Variants in WDFY3 observed in about 807,000 individuals in gnomAD.
WDFY3 encodes WD repeat and FYVE domain containing 3.
In WDFY3, 66 loss-of-function variants were observed where a neutral mutation model predicts 409.6. The ratio of observed to expected loss-of-function variants is 0.16; its 90% CI spans 0.13 to 0.20. WDFY3 has a LOEUF of 0.20. Ranked by LOEUF, WDFY3 falls within the 10% of genes least tolerant of loss-of-function variation. The pLI, the probability that WDFY3 is intolerant of heterozygous loss-of-function variation, is 1.00. For synonymous variants in WDFY3, 1,521 were observed against 1,537.1 expected (o/e 0.99, Z 0.25); for missense variants, 3,031 against 4,298.1 (o/e 0.71, Z 8.24).
intron 12 of WDFY3, among the ~76,000 whole-genome samples, chr4:84,818,707 G>T (rs1240089632): frequency 1.3e-5 from 2 of 151,980 alleles, no homozygotes; most frequent in South Asian, 2.1e-4. Context: ...AATCATAATG[G>T]CTAATATTAT....
At position 84,821,354 on chromosome 4, in the gene WDFY3, G is replaced by C. The variant is rs1754024104; in HGVS notation, c.1321C>G (p.Gln441Glu). Residue 441 changes from glutamine to glutamate, a missense_variant, in exon 11 of 68, where the codon CAA (glutamine) becomes GAA (glutamate). Around this residue, in one of 16 missense-constraint regions of WDFY3, gnomAD observed 1,322 missense variants for 1,697.9 expected, o/e 0.78. Coordinates refer to ENST00000295888, the MANE Select transcript of WDFY3 (RefSeq NM_014991.6). ...AEKISKLPEV[Q>E]NKYFEMLEFV... is the part of the protein sequence containing the mutation. The stretch of plus-strand genomic sequence containing the variant: ...TCCAGCATCTCAAAGTATTTGTTTT[G>C]TACTTCTGGGAGTTTAGAAATCTTC... The C allele has an allele frequency of 6.2e-7, 1 of 1,613,714 alleles. No homozygotes were observed. Among genetic ancestry groups the C allele is most frequent in the Non-Finnish European group, 8.5e-7 (1 of 1,179,872 alleles).
intron 2 of WDFY3, among the ~76,000 whole-genome samples, chr4:84,898,857 C>T (rs976049305): frequency 2.6e-5 from 4 of 152,180 alleles, no homozygotes; most frequent in Non-Finnish European, 5.9e-5. Flanking sequence ...TCCAAGGATA[C>T]TTGGCTACTA....
At position 84,797,998 on chromosome 4, in the gene WDFY3, C is replaced by T. The variant is rs759133724; in HGVS notation, c.2933G>A (p.Arg978Lys). 6.2e-7 allele frequency: 1 copy of T among 1,602,828 alleles called. No homozygotes were observed. The highest frequency in any genetic ancestry group is 8.5e-7 in the Non-Finnish European group (1 of 1,175,674). ...AAAAAGGGAATTTCAAAACTTACTT[C>T]TCATTTCTGGTTCATAACTCAGTGA... ...PSSLSYEPEM[R>K]SSMITSLEGL... Residue 978 changes from arginine to lysine, a missense_variant and splice_region_variant, in exon 18 of 68, where the codon AGA (arginine) becomes AAA (lysine). Physicochemically the swap from Arg to Lys is conservative, Grantham distance 26. Around this residue, in one of 16 missense-constraint regions of WDFY3, gnomAD observed 1,322 missense variants for 1,697.9 expected, o/e 0.78. Coordinates refer to ENST00000295888, the MANE Select transcript of WDFY3 (RefSeq NM_014991.6).
At chr4:84,780,075 G>T in intron 26 of WDFY3, 33 bp downstream of exon 26, 1 of 1,522,638 alleles carries the variant, frequency 6.6e-7, no homozygotes, top group South Asian at 1.3e-5. Flanking sequence ...TAGGTGCCAG[G>T]TGAAGTGAAG....
rs754928242 is a variant in WDFY3 at position 84,753,682 on chromosome 4, C to T, written c.5739+15G>A. On this transcript the variant is annotated intron_variant, in intron 35 of 67. Transcript: ENST00000295888. Reference sequence around the variant, plus strand: ...TTCTAATTCCAGTTCTGACATTTTCCTCCCCCTTTCCTACCATCTCTGAGT... The same window carrying T: ...TTCTAATTCCAGTTCTGACATTTTCTTCCCCCTTTCCTACCATCTCTGAGT... 6.5e-7 allele frequency: 1 copy of T among 1,535,412 alleles called. No homozygotes were observed. Among genetic ancestry groups the T allele is most frequent in the Non-Finnish European group, 8.7e-7 (1 of 1,143,390 alleles).
In WDFY3 at chr4:84,696,066, A is replaced by G; in HGVS notation, c.8805T>C (p.Phe2935=). The G allele has an allele frequency of 6.2e-7, 1 of 1,614,142 alleles. No homozygotes were observed. The highest frequency in any genetic ancestry group is 8.5e-7 in the Non-Finnish European group (1 of 1,180,024). Reference sequence around the variant, plus strand: ...TGTAGATATCCACTTGACCCTCATAAAAAAGATGATGGAAGACATTTACAG... The same window carrying G: ...TGTAGATATCCACTTGACCCTCATAGAAAAGATGATGGAAGACATTTACAG... The part of the protein sequence containing the change: ...VEAVNVFHHL[F]YEGQVDIYNI... The change falls in exon 58 of 68, where the codon TTT becomes TTC. Residue 2935 remains phenylalanine, a synonymous_variant. Transcript: ENST00000295888.
chr4:84,875,122 G>T (rs1274110858), intron 3 of WDFY3, among the ~76,000 whole-genome samples: 2 of 151,928 alleles, frequency 1.3e-5, no homozygotes, highest in Non-Finnish European at 1.5e-5. Context: ...ACAAAAATTA[G>T]CCAGGCATGG....
At chr4:84,949,423 CTACAT>C (rs1291493589) in intron 1 of WDFY3, among the ~76,000 whole-genome samples, 1 of 152,086 alleles carries the variant, frequency 6.6e-6, no homozygotes, top group Non-Finnish European at 1.5e-5. Flanking sequence ...ATGACAATGA[CTACAT>C]TACATTTTGT....
intron 2 of WDFY3, among the ~76,000 whole-genome samples, chr4:84,923,644 T>C (rs1462338150): frequency 1.3e-5 from 2 of 152,156 alleles, no homozygotes; most frequent in African/African-American, 4.8e-5. Context: ...TTCATATCAA[T>C]CTCTAATGCT....
intron 33 of WDFY3, among the ~76,000 whole-genome samples, chr4:84,756,711 T>A (rs1012270664): frequency 6.6e-6 from 1 of 152,098 alleles, no homozygotes; most frequent in African/African-American, 2.4e-5. Context: ...ATCTATAATA[T>A]ACAGAGTTAT....
rs1229485318 is a variant in WDFY3, at chr4:84,706,938, C to CTT, written c.8218-1429_8218-1428dup. On this transcript the variant is annotated intron_variant, in intron 53 of 67. Coordinates refer to ENST00000295888, the MANE Select transcript of WDFY3 (RefSeq NM_014991.6). ...ATAATTTTATTATTTATTTTTACTT[C>CTT]TTTTTTTTTTTTTTTTTTGAGACAG... Among the ~76,000 whole-genome samples, 277 of 134,848 alleles carry CTT rather than the reference C, an allele frequency of 2.1e-3. 3 individuals are homozygous for CTT. The highest frequency in any genetic ancestry group is 6.7e-3 in the African/African-American group (242 of 35,864). 88.5% of individuals were successfully genotyped at this position (134,848 alleles called of 152,430 possible).
At chr4:84,875,590 TA>T (rs1762675418) in intron 3 of WDFY3, among the ~76,000 whole-genome samples, 1 of 152,188 alleles carries the variant, frequency 6.6e-6, no homozygotes, top group Non-Finnish European at 1.5e-5. Context: ...TTCAAATTTT[TA>T]AAAAAACTTT....
chr4:84,743,921 A>C (rs1416037522), intron 36 of WDFY3, 122 bp from the exon 37 acceptor site: 7 of 543,700 alleles, frequency 1.3e-5, no homozygotes, highest in Non-Finnish European at 2.0e-5. Flanking sequence ...ATTTGTTTTA[A>C]ATGCCATGAG....
At chr4:84,929,476 C>A (rs1391744178) in intron 2 of WDFY3, among the ~76,000 whole-genome samples, 1 of 151,192 alleles carries the variant, frequency 6.6e-6, no homozygotes. Flanking sequence ...TGCGCCCCCC[C>A]CCCCAAATTC....
chr4:84,721,584 T>C lies in WDFY3; in HGVS notation c.7442-12A>G. On this transcript the variant is annotated splice_polypyrimidine_tract_variant and intron_variant, in intron 46 of 67. Coordinates refer to ENST00000295888, the MANE Select transcript of WDFY3 (RefSeq NM_014991.6). Reference sequence around the variant, plus strand: ...AGGCTTGACCAAACCTACAGTATAATAACCAAGAGGGCCATGTGGCATTGT... The same window carrying C: ...AGGCTTGACCAAACCTACAGTATAACAACCAAGAGGGCCATGTGGCATTGT... The C allele has an allele frequency of 1.2e-6, 2 of 1,602,024 alleles. No individual in the cohort carries two copies. Among genetic ancestry groups the C allele is most frequent in the Non-Finnish European group, 1.7e-6 (2 of 1,179,754 alleles).
Position 84,796,631 on chromosome 4 carries a change from C to A in WDFY3, c.3057G>T (p.Leu1019=), listed in dbSNP as rs757586119. 2.5e-6 allele frequency: 4 copies of A among 1,613,960 alleles called. No individual in the cohort carries two copies. In the African/African-American group the frequency reaches 5.3e-5, roughly 22 times the overall value. The stretch of plus-strand genomic sequence containing the variant: ...TGGAGACCAGACACTTCACCCTGGT[C>A]AGGGGTACAGTACTTCCTTCCGCAG... ...VKSAEGSTVP[L]TRVKCLVSMT... is the part of the protein sequence containing the mutation. The change falls in exon 19 of 68, where the codon CTG becomes CTT. Residue 1019 remains leucine (L), a synonymous_variant. Transcript: ENST00000295888.
chr4:84,905,666 G>A (rs1185836549), intron 2 of WDFY3, among the ~76,000 whole-genome samples: 3 of 152,178 alleles, frequency 2.0e-5, no homozygotes, highest in African/African-American at 7.2e-5. Flanking sequence ...ACTATAGTAT[G>A]TAACTTTAAA....
intron 3 of WDFY3, among the ~76,000 whole-genome samples, chr4:84,885,622 T>C (rs937058534): frequency 2.0e-5 from 3 of 152,018 alleles, no homozygotes; most frequent in Non-Finnish European, 4.4e-5. Context: ...GCGAAAAATA[T>C]GAACAAGGAA....
At chr4:84,776,759 A>G (rs1745612831) in intron 27 of WDFY3, among the ~76,000 whole-genome samples, 2 of 152,132 alleles carry the variant, frequency 1.3e-5, no homozygotes, top group African/African-American at 4.8e-5. Context: ...TTCTAAAAGA[A>G]TAAGAGGTTT....
Sources: gnomAD v4.1 joint callset for allele counts (sites outside exome capture counted in the v4.1 genomes callset) on GRCh38, gnomAD v4.1.1 for gene constraint, gnomAD v4.1.1 regional missense constraint, MANE v1.5 for transcripts, NCBI Gene and HGNC (gene_info 2026-07-23, HGNC 2026-07-21) for gene names.